Variants in ZNF738 observed in about 807,000 individuals in gnomAD.
ZNF738 encodes the protein zinc finger protein 738, also known as protein ZNF738.
A neutral mutation model predicts 9.2 loss-of-function variants in ZNF738; 10 were observed. That is an observed-to-expected ratio of 1.09 (90% CI 0.67 to 1.85). ZNF738 has a LOEUF of 1.85. Among genes scored for constraint, ZNF738 ranks in the 40% most tolerant of loss-of-function variants. The pLI is 0.00. For missense variants in ZNF738, 346 were observed against 283.6 expected, an observed-to-expected ratio of 1.22 and a Z score of -1.58; for synonymous variants, 113 against 94.5, an observed-to-expected ratio of 1.20 and a Z score of -1.14.
rs981303501 is a variant in ZNF738 at position 21,384,028 on chromosome 19, G to A, written c.*354G>A. On this transcript the variant is annotated 3_prime_UTR_variant, in exon 5 of 5. Coordinates refer to ENST00000683779, the MANE Select transcript of ZNF738 (RefSeq NM_001355237.2). ...GAAGAATGTGGCAAAGCTTTCTACC[G>A]ATTCATTTACCTTACTACACATAAG... is the stretch of plus-strand genomic sequence containing the variant. The A allele has an allele frequency of 2.0e-5, 30 of 1,502,088 alleles. No individual in the cohort carries two copies. The highest frequency in any genetic ancestry group is 8.6e-5 in the Admixed American group (5 of 58,180). The allele number at this position is 1,502,088 out of a possible 1,614,324, so 93.0% of individuals were successfully genotyped here.
At chr19:21,373,383 A>G (rs1346262351) in intron 2 of ZNF738, among the ~76,000 whole-genome samples, 1 of 152,148 alleles carries the variant, frequency 6.6e-6, no homozygotes, top group Non-Finnish European at 1.5e-5. Context: ...AGATACATTC[A>G]TGAGAGTTAA....
chr19:21,387,487 G>T lies in ZNF738; in HGVS notation c.*3813G>T, dbSNP rs929450792. Among the ~76,000 whole-genome samples, 16 of 152,174 alleles carry T rather than the reference G, an allele frequency of 1.1e-4. No individual in the cohort carries two copies. The highest frequency in any genetic ancestry group is 8.5e-4 in the Admixed American group (13 of 15,272). On this transcript the variant is annotated 3_prime_UTR_variant, in exon 5 of 5. Transcript: ENST00000683779. ...TTACAGGCATGAGCCACCACTCCCT[G>T]CCTTACTTGATTACATTCAATATAA...
rs1283380231 is a variant in ZNF738, at chr19:21,388,290, T to A, written c.*4616T>A. On this transcript the variant is annotated 3_prime_UTR_variant, in exon 5 of 5. Coordinates refer to ENST00000683779, the MANE Select transcript of ZNF738 (RefSeq NM_001355237.2). ...TTTTCTGGTGTTTCTTCATTCTTAT[T>A]CACTTGTGAAAGCATGTGATAATTG... Among the ~76,000 whole-genome samples the A allele has an allele frequency of 6.6e-6, 1 of 152,200 alleles. No individual in the cohort carries two copies. The highest frequency in any genetic ancestry group is 1.5e-5 in the Non-Finnish European group (1 of 68,028).
chr19:21,368,298 T>C (rs1160751874), intron 2 of ZNF738, among the ~76,000 whole-genome samples: 1 of 151,886 alleles, frequency 6.6e-6, no homozygotes, highest in African/African-American at 2.4e-5. Flanking sequence ...TATGTCCATG[T>C]GTTCTTATTA....
Position 21,359,058 on chromosome 19 carries a change from C to A in ZNF738, c.-83C>A. On this transcript the variant is annotated 5_prime_UTR_variant, in exon 1 of 5. Transcript: ENST00000683779. ...CTTCACTGCTCTGTGTCCTCTGCTC[C>A]TAGAGGCCCAGCCTCTGGTCCTGTG... 1 of 872,982 alleles carries A rather than the reference C, an allele frequency of 1.1e-6. No homozygotes were observed. The highest frequency in any genetic ancestry group is 2.0e-6 in the Non-Finnish European group (1 of 508,212). 54.1% of individuals were successfully genotyped at this position (872,982 alleles called of 1,614,324 possible). A position where few individuals can be genotyped will look rare whatever the true frequency, so the allele number is the denominator to read the frequency against.
intron 2 of ZNF738, among the ~76,000 whole-genome samples, chr19:21,365,782 C>G (rs535163356): frequency 6.6e-6 from 1 of 151,910 alleles, no homozygotes; most frequent in Non-Finnish European, 1.5e-5. Context: ...ATGACGAAAC[C>G]CTGTCTCTAC....
At chr19:21,368,797 T>C (rs1029602174) in intron 2 of ZNF738, among the ~76,000 whole-genome samples, 1 of 151,950 alleles carries the variant, frequency 6.6e-6, no homozygotes, top group African/African-American at 2.4e-5. Context: ...AGTACAATGG[T>C]GTGATCTCTG....
At chr19:21,369,364 A>G (rs1415624999) in intron 2 of ZNF738, among the ~76,000 whole-genome samples, 1 of 152,130 alleles carries the variant, frequency 6.6e-6, no homozygotes. Flanking sequence ...ACCTGCCTTA[A>G]TCTCCTAAAG....
chr19:21,371,670 C>T (rs1973858605), intron 2 of ZNF738, among the ~76,000 whole-genome samples: 1 of 151,720 alleles, frequency 6.6e-6, no homozygotes, highest in Non-Finnish European at 1.5e-5. Context: ...ATGGTTGGTA[C>T]AGTGAATAGA....
rs552552105 is a variant in ZNF738 at position 21,384,384 on chromosome 19, C to T, written c.*710C>T. On this transcript the variant is annotated 3_prime_UTR_variant, in exon 5 of 5. Transcript: ENST00000683779. Reference sequence around the variant, plus strand: ...TAATGTATTCTCAACCCTTACTAAACATAAGAGAATTCATAATGGAGAGAA... The same window carrying T: ...TAATGTATTCTCAACCCTTACTAAATATAAGAGAATTCATAATGGAGAGAA... Among the ~76,000 whole-genome samples the T allele has an allele frequency of 2.4e-4, 37 of 152,142 alleles. No individual in the cohort carries two copies. In the South Asian group the frequency reaches 7.7e-3, roughly 32 times the overall value.
chr19:21,374,150 T>C (rs1973895234), intron 2 of ZNF738, among the ~76,000 whole-genome samples: 1 of 152,186 alleles, frequency 6.6e-6, no homozygotes. Flanking sequence ...GAACATGTAA[T>C]GTTGAGGTTT....
intron 1 of ZNF738, among the ~76,000 whole-genome samples, chr19:21,359,774 G>A (rs578190312): frequency 2.4e-4 from 36 of 152,280 alleles, no homozygotes; most frequent in African/African-American, 8.4e-4. Flanking sequence ...CTACTCAGGA[G>A]GCTGAGGCAG....
rs1974028323 is a variant in ZNF738 at position 21,383,324 on chromosome 19, T to A, written c.778T>A (p.Tyr260Asn). ...GAGAATTCATACTGGAGACAAATCC[T>A]ACAAACATGAAGAATGTGGAAAAGG... is the stretch of plus-strand genomic sequence containing the variant. ...HKRIHTGDKS[Y>N]KHEECGKGFN... The change falls in exon 5 of 5, where the codon TAC (tyrosine) becomes AAC (asparagine). Residue 260 changes from tyrosine (Y) to asparagine (N), a missense_variant. By Grantham distance (143) the Tyr-to-Asn change is moderately radical. Coordinates refer to ENST00000683779, the MANE Select transcript of ZNF738 (RefSeq NM_001355237.2). The A allele has an allele frequency of 2.8e-6, 4 of 1,425,472 alleles. No homozygotes were observed. The highest frequency in any genetic ancestry group is 3.9e-6 in the Non-Finnish European group (4 of 1,025,500). 88.3% of individuals were successfully genotyped at this position (1,425,472 alleles called of 1,614,324 possible).
At position 21,375,354 on chromosome 19, in the gene ZNF738, G is replaced by C. The variant is rs1328828529; in HGVS notation, c.213G>C (p.Leu71=). Residue 71 remains leucine, a synonymous_variant, in exon 3 of 5, where the codon CTG becomes CTC. Transcript: ENST00000683779. ...TGATGTTAGAGAACTTCAGAAACCT[G>C]GTGTTCTTGGGTGAGAATAACTTTA... is the stretch of plus-strand genomic sequence containing the variant. ...RKVMLENFRN[L]VFLGIDVSKP... The C allele has an allele frequency of 1.2e-6, 1 of 860,238 alleles. No individual in the cohort carries two copies. The highest frequency in any genetic ancestry group is 1.9e-5 in the Admixed American group (1 of 52,618). 53.3% of individuals were successfully genotyped at this position (860,238 alleles called of 1,614,324 possible).
At chr19:21,377,512 GCACACACACA>G (rs112058265) in intron 4 of ZNF738, 6 of 547,216 alleles carry the variant, frequency 1.1e-5, no homozygotes, top group East Asian at 3.2e-5. Flanking sequence ...ACACAGACGT[GCACACACACA>G]CACACACACA....
At chr19:21,368,529 C>T (rs1379238232) in intron 2 of ZNF738, among the ~76,000 whole-genome samples, 1 of 151,958 alleles carries the variant, frequency 6.6e-6, no homozygotes, top group Non-Finnish European at 1.5e-5. Context: ...GGTGCTATCT[C>T]GGCTCACTGC....
intron 4 of ZNF738, chr19:21,381,322 T>C (rs1974001046): frequency 6.4e-7 from 1 of 1,561,736 alleles, no homozygotes; most frequent in Admixed American, 1.7e-5. Context: ...CCATTTCCGC[T>C]CCTAAAACTG....
At chr19:21,369,316 G>A (rs1472405648) in intron 2 of ZNF738, among the ~76,000 whole-genome samples, 1 of 151,808 alleles carries the variant, frequency 6.6e-6, no homozygotes, top group Non-Finnish European at 1.5e-5. Flanking sequence ...TTGCCATGTT[G>A]CCCAGGCTGG....
intron 1 of ZNF738, among the ~76,000 whole-genome samples, chr19:21,359,887 A>C (rs1321957304): frequency 6.6e-6 from 1 of 152,182 alleles, no homozygotes; most frequent in Non-Finnish European, 1.5e-5. Flanking sequence ...CAAAAAAAAA[A>C]TTAACTTATT....
Sources: allele counts gnomAD v4.1 joint callset (sites outside exome capture counted in the v4.1 genomes callset), GRCh38; gene constraint gnomAD v4.1.1; transcripts MANE v1.5; gene names NCBI Gene and HGNC (gene_info 2026-07-23, HGNC 2026-07-21).